Variants in TPTE observed in about 807,000 individuals in gnomAD.
TPTE encodes the protein putative tyrosine-protein phosphatase TPTE.
TPTE carries 59 observed loss-of-function variants against 84.1 expected under a neutral mutation model. The observed-to-expected ratio is 0.70, with a 90% CI of 0.57 to 0.87. TPTE has a LOEUF of 0.87. Among genes scored for constraint, TPTE ranks in the 40% least tolerant of loss-of-function variants. TPTE has a pLI of 0.00. For synonymous variants in TPTE, 130 were observed against 223.5 expected, an observed-to-expected ratio of 0.58 and a Z score of 3.73; for missense variants, 382 against 659.6, an observed-to-expected ratio of 0.58 and a Z score of 4.61.
intron 3 of TPTE, among the ~76,000 whole-genome samples, chr21:10,529,121 T>G (rs1239668832): frequency 3.3e-5 from 5 of 152,280 alleles, no homozygotes; most frequent in African/African-American, 1.2e-4. Flanking sequence ...GAAGCAGAAG[T>G]TGCAGTGAGC....
At chr21:10,585,929 T>C (rs925818616) in intron 17 of TPTE, among the ~76,000 whole-genome samples, 1 of 152,302 alleles carries the variant, frequency 6.6e-6, no homozygotes, top group South Asian at 2.1e-4. Context: ...TTCCCTTTTT[T>C]ATTCCTGACA....
intron 17 of TPTE, among the ~76,000 whole-genome samples, chr21:10,589,236 A>G (rs1188810173): frequency 3.3e-5 from 5 of 152,112 alleles, no homozygotes; most frequent in Non-Finnish European, 5.9e-5. Flanking sequence ...GTGACTGTAG[A>G]GCATGCTGGG....
rs1040366367 is a variant in TPTE at position 10,562,035 on chromosome 21, CAGAG to C, written c.446+852_446+855del. ...ACCCCAAGCTTTAGGTGCCTCAGAA[CAGAG>C]AGAGAGACTCTGTTTGTTTGGGAGA... On this transcript the variant is annotated intron_variant, in intron 10 of 23. Transcript: ENST00000618007. Among the ~76,000 whole-genome samples, 5 of 152,420 alleles carry C rather than the reference CAGAG, an allele frequency of 3.3e-5. No homozygotes were observed. The East Asian group carries it at 5.8e-4, about 18-fold the overall frequency.
chr21:10,572,912 TGAA>T (rs2075075385), intron 14 of TPTE, among the ~76,000 whole-genome samples: 1 of 151,272 alleles, frequency 6.6e-6, no homozygotes. Context: ...AAAAAAAAGG[TGAA>T]GAAAAGAACA....
chr21:10,533,216 G>T (rs469977), intron 3 of TPTE, among the ~76,000 whole-genome samples: 15,801 of 147,060 alleles, frequency 0.11, 7 homozygotes, highest in African/African-American at 0.28. Context: ...CTTTTCACAT[G>T]TATCCAAACT....
chr21:10,600,490 G>A (rs1288807274), intron 21 of TPTE, among the ~76,000 whole-genome samples: 1 of 152,424 alleles, frequency 6.6e-6, no homozygotes, highest in Non-Finnish European at 1.5e-5. Context: ...CCCTCCATTT[G>A]GACTAGATTC....
chr21:10,559,872 TAAAA>T (rs61583687), intron 9 of TPTE, among the ~76,000 whole-genome samples: 3 of 117,092 alleles, frequency 2.6e-5, no homozygotes, highest in Non-Finnish European at 1.8e-5. Flanking sequence ...AGACTCCATG[TAAAA>T]AAAAAAAAAA....
intron 5 of TPTE, among the ~76,000 whole-genome samples, chr21:10,542,105 A>G (rs549859994): frequency 3.9e-3 from 591 of 152,174 alleles, no homozygotes; most frequent in Non-Finnish European, 6.1e-3. Context: ...GTTGAGTTTG[A>G]AATAACTACC....
chr21:10,548,345 A>G (rs897032802), intron 7 of TPTE, among the ~76,000 whole-genome samples: 1 of 152,310 alleles, frequency 6.6e-6, no homozygotes, highest in Non-Finnish European at 1.5e-5. Flanking sequence ...TCCTGTATCC[A>G]TTCCCAGCAG....
At chr21:10,524,952 ACAAACC>A (rs2074052297) in intron 2 of TPTE, among the ~76,000 whole-genome samples, 5 of 152,030 alleles carry the variant, frequency 3.3e-5, no homozygotes, top group African/African-American at 1.2e-4. Context: ...AATTTAAAAA[ACAAACC>A]AAGCCTCATT....
At chr21:10,584,469 C>T (rs540249157) in intron 17 of TPTE, among the ~76,000 whole-genome samples, 1 of 152,424 alleles carries the variant, frequency 6.6e-6, no homozygotes, top group East Asian at 1.9e-4. Context: ...TCTTGAGTAG[C>T]TAGCACTGCA....
chr21:10,541,045 G>T, intron 4 of TPTE, 67 bp from the exon 5 acceptor site: 1 of 1,586,694 alleles, frequency 6.3e-7, no homozygotes, highest in South Asian at 1.1e-5. Context: ...TAGACTAACT[G>T]TAGCTATTTG....
intron 14 of TPTE, among the ~76,000 whole-genome samples, chr21:10,575,754 C>G (rs2075136919): frequency 6.6e-6 from 1 of 152,310 alleles, no homozygotes; most frequent in Admixed American, 6.5e-5. Flanking sequence ...AAACACAACC[C>G]CATTAAAAAG....
At chr21:10,564,740 G>C (rs1160958481) in intron 10 of TPTE, among the ~76,000 whole-genome samples, 3 of 152,300 alleles carry the variant, frequency 2.0e-5, no homozygotes, top group Admixed American at 2.0e-4. Flanking sequence ...ACACAGTAAA[G>C]GATAAAAACC....
intron 7 of TPTE, among the ~76,000 whole-genome samples, chr21:10,551,760 A>G (rs1188770603): frequency 1.3e-5 from 2 of 152,306 alleles, no homozygotes; most frequent in African/African-American, 4.8e-5. Flanking sequence ...AATAAAAATA[A>G]TTATTAGAGA....
At chr21:10,585,987 C>T (rs1378212330) in intron 17 of TPTE, among the ~76,000 whole-genome samples, 1 of 152,300 alleles carries the variant, frequency 6.6e-6, no homozygotes, top group Non-Finnish European at 1.5e-5. Context: ...GTAGTCTTAC[C>T]ACGGATTTAT....
chr21:10,533,427 A>G (rs1177056593), intron 3 of TPTE, among the ~76,000 whole-genome samples: 3 of 152,300 alleles, frequency 2.0e-5, no homozygotes, highest in African/African-American at 7.2e-5. Flanking sequence ...TACAGTCGGT[A>G]TGTTGTTGTT....
chr21:10,548,986 C>T (rs1263714886), intron 7 of TPTE, among the ~76,000 whole-genome samples: 1 of 152,310 alleles, frequency 6.6e-6, no homozygotes, highest in Non-Finnish European at 1.5e-5. Context: ...AGTTTTCTGA[C>T]CCACTCTATG....
At chr21:10,595,024 A>G (rs2075555063) in intron 19 of TPTE, among the ~76,000 whole-genome samples, 1 of 152,306 alleles carries the variant, frequency 6.6e-6, no homozygotes, top group African/African-American at 2.4e-5. Context: ...CTGTGAACTT[A>G]TGAGTTTTGT....
Sources: allele counts gnomAD v4.1 joint callset (sites outside exome capture counted in the v4.1 genomes callset), GRCh38; gene constraint gnomAD v4.1.1; transcripts MANE v1.5; gene names NCBI Gene and HGNC (gene_info 2026-07-23, HGNC 2026-07-21).